Variants in PTPRD observed in about 807,000 individuals in gnomAD.
PTPRD encodes receptor-type tyrosine-protein phosphatase delta.
A neutral mutation model predicts 214.5 loss-of-function variants in PTPRD; 34 were observed. That is an observed-to-expected ratio of 0.16 (90% CI 0.12 to 0.21). The LOEUF is 0.21. PTPRD is among the 10% of genes least tolerant of loss of function. The probability of loss-of-function intolerance (pLI) is 1.00; values close to 1 mark genes in which losing one functional copy is unlikely to be tolerated. For missense variants in PTPRD, 2,545 were observed against 2,398.7 expected (o/e 1.06, Z -1.27); for synonymous variants, 1,128 against 845.7 (o/e 1.33, Z -5.79).
intron 11 of PTPRD, among the ~76,000 whole-genome samples, chr9:8,996,084 C>T (rs1456091448): frequency 6.6e-6 from 1 of 151,954 alleles, no homozygotes; most frequent in Non-Finnish European, 1.5e-5. Context: ...TTATATGCAA[C>T]TTAAAAATGC....
At chr9:8,459,263 T>C (rs1396247370) in intron 33 of PTPRD, among the ~76,000 whole-genome samples, 3 of 152,060 alleles carry the variant, frequency 2.0e-5, no homozygotes, top group Non-Finnish European at 2.9e-5. Flanking sequence ...AAAATGAAGA[T>C]ACTCTTTTTA....
At chr9:9,699,501 T>C (rs2097449545) in intron 7 of PTPRD, among the ~76,000 whole-genome samples, 1 of 152,200 alleles carries the variant, frequency 6.6e-6, no homozygotes, top group Non-Finnish European at 1.5e-5. Context: ...ATGTGTCTGA[T>C]AGTTTAAATA....
intron 12 of PTPRD, among the ~76,000 whole-genome samples, chr9:8,708,000 G>C (rs1565446679): frequency 6.6e-6 from 1 of 152,110 alleles, no homozygotes; most frequent in African/African-American, 2.4e-5. Context: ...AAGGCATTAA[G>C]ATTTTATACC....
At chr9:8,505,467 A>C (rs2097524194) in intron 22 of PTPRD, among the ~76,000 whole-genome samples, 1 of 151,696 alleles carries the variant, frequency 6.6e-6, no homozygotes, top group Non-Finnish European at 1.5e-5. Context: ...CTAAAAATAC[A>C]AAAAATTAGC....
intron 30 of PTPRD, among the ~76,000 whole-genome samples, chr9:8,478,068 C>T (rs2381804): frequency 0.36 from 55,441 of 152,082 alleles, 10,285 homozygotes; most frequent in African/African-American, 0.45. Context: ...TCGTATTAAC[C>T]ATTACTAGTA....
intron 9 of PTPRD, among the ~76,000 whole-genome samples, chr9:9,380,056 A>C (rs1311058483): frequency 1.3e-5 from 2 of 151,974 alleles, no homozygotes; most frequent in Non-Finnish European, 2.9e-5. Flanking sequence ...TGTGGTGTTT[A>C]AAGGTGTAGC....
At chr9:9,875,524 C>T (rs1445790203) in intron 5 of PTPRD, among the ~76,000 whole-genome samples, 2 of 152,060 alleles carry the variant, frequency 1.3e-5, no homozygotes, top group African/African-American at 4.8e-5. Context: ...ATGCTTTACT[C>T]TCAGGACCAC....
intron 5 of PTPRD, among the ~76,000 whole-genome samples, chr9:9,849,517 T>C (rs796160771): frequency 2.8e-4 from 42 of 152,194 alleles, no homozygotes; most frequent in African/African-American, 7.5e-4. Context: ...GATGCTATTG[T>C]CCATTCCAAG....
At chr9:8,441,527 G>T (rs927761477) in intron 34 of PTPRD, among the ~76,000 whole-genome samples, 3 of 151,572 alleles carry the variant, frequency 2.0e-5, no homozygotes, top group African/African-American at 7.3e-5. Flanking sequence ...GACCACATAC[G>T]GCTAACTAGA....
intron 5 of PTPRD, among the ~76,000 whole-genome samples, chr9:9,929,682 G>A (rs1438222539): frequency 6.6e-6 from 1 of 152,146 alleles, no homozygotes; most frequent in Non-Finnish European, 1.5e-5. Context: ...TCAAGCCACA[G>A]CGCCTGGCCA....
intron 4 of PTPRD, among the ~76,000 whole-genome samples, chr9:10,029,961 T>C (rs1019764818): frequency 6.6e-6 from 1 of 152,132 alleles, no homozygotes; most frequent in African/African-American, 2.4e-5. Context: ...GGCGGGTCTT[T>C]TCTGTGCTGT....
chr9:8,669,296 G>A (rs575373085), intron 12 of PTPRD, among the ~76,000 whole-genome samples: 2 of 152,228 alleles, frequency 1.3e-5, no homozygotes, highest in South Asian at 2.1e-4. Flanking sequence ...CCTCCACTAT[G>A]GAGAAAAGAA....
At chr9:8,517,505 T>G (rs895351498) in intron 21 of PTPRD, among the ~76,000 whole-genome samples, 1 of 152,230 alleles carries the variant, frequency 6.6e-6, no homozygotes, top group Non-Finnish European at 1.5e-5. Flanking sequence ...AATACTCTTT[T>G]GAGACCACTC....
intron 12 of PTPRD, among the ~76,000 whole-genome samples, chr9:8,639,473 A>C (rs1028337177): frequency 2.0e-5 from 3 of 152,208 alleles, no homozygotes; most frequent in Non-Finnish European, 4.4e-5. Flanking sequence ...GTAAGAGCCC[A>C]GCTTCCCATT....
chr9:8,328,743 C>T (rs548350127), intron 44 of PTPRD, among the ~76,000 whole-genome samples: 67 of 152,150 alleles, frequency 4.4e-4, no homozygotes, highest in African/African-American at 1.5e-3. Context: ...ACTCTTTTCT[C>T]TAATCTTGTC....
At chr9:10,046,462 T>A (rs997551025) in intron 3 of PTPRD, among the ~76,000 whole-genome samples, 2 of 151,860 alleles carry the variant, frequency 1.3e-5, no homozygotes, top group Non-Finnish European at 2.9e-5. Context: ...TAATCTTTTT[T>A]TACCTTTAAA....
chr9:9,029,256 T>C (rs546157103), intron 10 of PTPRD, among the ~76,000 whole-genome samples: 188 of 152,044 alleles, frequency 1.2e-3, no homozygotes, highest in Non-Finnish European at 2.3e-3. Flanking sequence ...ATATTTCTAT[T>C]GGACAGTGTC....
intron 3 of PTPRD, among the ~76,000 whole-genome samples, chr9:10,216,472 A>G (rs749916158): frequency 3.9e-5 from 6 of 152,024 alleles, no homozygotes; most frequent in Non-Finnish European, 8.8e-5. Flanking sequence ...TCAATTAACT[A>G]TGGTTAACTT....
chr9:9,218,980 T>C (rs534334609), intron 9 of PTPRD, among the ~76,000 whole-genome samples: 1 of 152,124 alleles, frequency 6.6e-6, no homozygotes, highest in Non-Finnish European at 1.5e-5. Flanking sequence ...ATAAAAAGCA[T>C]AAGCATCAAT....
Sources: allele counts gnomAD v4.1 joint callset (sites outside exome capture counted in the v4.1 genomes callset), GRCh38; gene constraint gnomAD v4.1.1; transcripts MANE v1.5; gene names NCBI Gene and HGNC (gene_info 2026-07-23, HGNC 2026-07-21).